The following CSMD3 variants were observed in gnomAD, a reference collection of about 807,000 sequenced individuals.
The protein encoded by CSMD3 is CUB and sushi domain-containing protein 3.
A neutral mutation model predicts 435.2 loss-of-function variants in CSMD3; 177 were observed. The observed-to-expected ratio is 0.41, with a 90% CI of 0.36 to 0.46. CSMD3 has a LOEUF of 0.46. CSMD3 is among the 20% of genes least tolerant of loss of function. The pLI is 0.34. For missense variants in CSMD3, 4,265 were observed against 4,504.6 expected (o/e 0.95, Z 1.52); for synonymous variants, 1,656 against 1,520.5 (o/e 1.09, Z -2.07).
At chr8:112,737,380 T>TA (rs932728087) in intron 13 of CSMD3, among the ~76,000 whole-genome samples, 2 of 151,976 alleles carry the variant, frequency 1.3e-5, no homozygotes, top group African/African-American at 4.8e-5. Context: ...AAGTTTTTGT[T>TA]AAAATCACTA....
Position 112,907,606 on chromosome 8 carries a change from C to T in CSMD3, c.1633+14021G>A, listed in dbSNP as rs1431249958. Among the ~76,000 whole-genome samples the T allele has an allele frequency of 4.0e-5, 6 of 151,038 alleles. No homozygotes were observed. The East Asian group carries it at 1.2e-3, about 30-fold the overall frequency. The stretch of plus-strand genomic sequence containing the variant: ...ACAGTAAAGGAGACTGAACTCAGGT[C>T]CTCTTAAGTCTGGGCTTCTTTTCAC... On this transcript the variant is annotated intron_variant, in intron 10 of 70. Transcript: ENST00000297405.
At chr8:112,445,145 A>G (rs2130540737) in intron 32 of CSMD3, among the ~76,000 whole-genome samples, 1 of 152,220 alleles carries the variant, frequency 6.6e-6, no homozygotes, top group African/African-American at 2.4e-5. Flanking sequence ...CGAGAGGCTG[A>G]GACACGAGAA....
At chr8:112,810,076 G>A (rs2079183796) in intron 12 of CSMD3, among the ~76,000 whole-genome samples, 1 of 152,016 alleles carries the variant, frequency 6.6e-6, no homozygotes, top group South Asian at 2.1e-4. Context: ...TTTTGTTTCA[G>A]CAGAGTTGAG....
chr8:113,144,604 T>C (rs1336737612), intron 4 of CSMD3, among the ~76,000 whole-genome samples: 1 of 151,642 alleles, frequency 6.6e-6, no homozygotes, highest in Admixed American at 6.6e-5. Flanking sequence ...CATTTTTTTT[T>C]CTTATTTGAA....
At chr8:112,364,891 T>C (rs779341069) in intron 38 of CSMD3, among the ~76,000 whole-genome samples, 29 of 152,108 alleles carry the variant, frequency 1.9e-4, no homozygotes, top group Non-Finnish European at 3.1e-4. Context: ...CCAGTGCTAA[T>C]GTGGATCAGG....
At chr8:112,843,422 C>G (rs1455838269) in intron 11 of CSMD3, among the ~76,000 whole-genome samples, 1 of 151,786 alleles carries the variant, frequency 6.6e-6, no homozygotes, top group Non-Finnish European at 1.5e-5. Flanking sequence ...AGGCAGAATA[C>G]CTAATTAAAG....
intron 4 of CSMD3, among the ~76,000 whole-genome samples, chr8:113,118,725 G>A (rs954184084): frequency 2.0e-5 from 3 of 152,108 alleles, no homozygotes; most frequent in African/African-American, 7.2e-5. Context: ...GTTTCCAGCA[G>A]TCTCAGTTTC....
chr8:112,372,854 A>C (rs1334170394), intron 38 of CSMD3, among the ~76,000 whole-genome samples: 2 of 151,622 alleles, frequency 1.3e-5, no homozygotes, highest in Non-Finnish European at 2.9e-5. Context: ...GTCTCCAAAA[A>C]TAGAAAAAAA....
chr8:112,484,924 T>C (rs921491119), intron 31 of CSMD3, among the ~76,000 whole-genome samples: 2 of 152,084 alleles, frequency 1.3e-5, no homozygotes, highest in Non-Finnish European at 2.9e-5. Context: ...CCAAGCATTG[T>C]GGATTAGGGA....
intron 54 of CSMD3, among the ~76,000 whole-genome samples, chr8:112,293,658 C>T (rs1819990394): frequency 6.6e-6 from 1 of 152,028 alleles, no homozygotes; most frequent in Non-Finnish European, 1.5e-5. Flanking sequence ...TCTTTTAATG[C>T]TGTGTCCCAC....
At chr8:112,893,094 T>TACA (rs1307953972) in intron 10 of CSMD3, among the ~76,000 whole-genome samples, 60 of 151,290 alleles carry the variant, frequency 4.0e-4, no homozygotes, top group African/African-American at 1.4e-3. Flanking sequence ...CTACTACTAC[T>TACA]ACAAAACTAC....
At chr8:113,294,559 A>C (rs2132547189) in intron 2 of CSMD3, among the ~76,000 whole-genome samples, 1 of 152,280 alleles carries the variant, frequency 6.6e-6, no homozygotes, top group South Asian at 2.1e-4. Context: ...TAATGAGTGT[A>C]TCCAAATTAT....
At chr8:113,365,993 A>G (rs907137304) in intron 1 of CSMD3, among the ~76,000 whole-genome samples, 1 of 152,034 alleles carries the variant, frequency 6.6e-6, no homozygotes, top group African/African-American at 2.4e-5. Context: ...AAAAATATTT[A>G]GCCAAGAATA....
chr8:112,696,412 A>G (rs538336153), intron 13 of CSMD3, among the ~76,000 whole-genome samples: 2 of 152,296 alleles, frequency 1.3e-5, no homozygotes, highest in South Asian at 2.1e-4. Context: ...GCCCTCAGGA[A>G]TAATACCACA....
chr8:112,458,764 C>A (rs1817119922), intron 32 of CSMD3, among the ~76,000 whole-genome samples: 1 of 152,044 alleles, frequency 6.6e-6, no homozygotes, highest in African/African-American at 2.4e-5. Context: ...TCTGAGGTAG[C>A]TGACAACACT....
chr8:113,380,967 C>G (rs1439449964), intron 1 of CSMD3, among the ~76,000 whole-genome samples: 2 of 152,140 alleles, frequency 1.3e-5, no homozygotes. Flanking sequence ...GACTGCTTCT[C>G]ACTTCTTCCC....
chr8:113,163,488 T>A (rs1003899365), intron 4 of CSMD3, among the ~76,000 whole-genome samples: 12 of 150,202 alleles, frequency 8.0e-5, no homozygotes, highest in African/African-American at 2.9e-4. Context: ...TAAATTTTTT[T>A]GTTAACTAAA....
At chr8:112,228,689 G>A (rs1263575502) in intron 70 of CSMD3, 67 bp downstream of exon 70, 3 of 1,491,628 alleles carry the variant, frequency 2.0e-6, no homozygotes, top group Non-Finnish European at 2.8e-6. Flanking sequence ...ATTTGAGCTA[G>A]AGCAGTAGAA....
chr8:112,388,737 T>C (rs1830169437), intron 36 of CSMD3, among the ~76,000 whole-genome samples: 1 of 152,142 alleles, frequency 6.6e-6, no homozygotes, highest in South Asian at 2.1e-4. Flanking sequence ...ATTTATTCAG[T>C]CCCTCATTCA....
Sources: gnomAD v4.1 joint callset for allele counts (sites outside exome capture counted in the v4.1 genomes callset) on GRCh38, gnomAD v4.1.1 for gene constraint, MANE v1.5 for transcripts, NCBI Gene and HGNC (gene_info 2026-07-23, HGNC 2026-07-21) for gene names.